The following HAL variants were observed in gnomAD, a reference collection of about 807,000 sequenced individuals.
HAL encodes histidine ammonia-lyase, also known as histidase.
In HAL, 85 loss-of-function variants were observed where a neutral mutation model predicts 81.1. The observed-to-expected ratio is 1.05, with a 90% CI of 0.88 to 1.25. The LOEUF (loss-of-function observed/expected upper bound fraction) is 1.25, where lower values mean the gene tolerates loss of function less well. HAL is among the 50% of genes most tolerant of loss of function. HAL has a pLI of 0.00. For synonymous variants in HAL, 301 were observed against 309.2 expected, an observed-to-expected ratio of 0.97 and a Z score of 0.28; for missense variants, 798 against 836.6, an observed-to-expected ratio of 0.95 and a Z score of 0.57.
intron 14 of HAL, 53 bp from the exon 15 acceptor site, chr12:95,984,044 C>A: frequency 1.2e-6 from 1 of 848,120 alleles, no homozygotes; most frequent in South Asian, 1.3e-5. Flanking sequence ...CTGAAGAGTA[C>A]CAATATTCTT....
intron 14 of HAL, among the ~76,000 whole-genome samples, chr12:95,985,290 G>A (rs1949867691): frequency 6.6e-6 from 1 of 152,128 alleles, no homozygotes; most frequent in South Asian, 2.1e-4. Flanking sequence ...TTAGGGCACT[G>A]AATCAACATA....
Position 95,991,381 on chromosome 12 carries a change from G to A in HAL, c.716-849C>T, listed in dbSNP as rs1949968289. 2.0e-5 allele frequency among the ~76,000 whole-genome samples: 3 copies of A among 152,068 alleles called. No individual in the cohort carries two copies. The South Asian group carries it at 6.2e-4, about 32-fold the overall frequency. ...CATTCACAGCTATTGGAAAATGTTTGGAAACATTGGAAAAGTAATATAAAA... is the reference window on the plus strand; with the variant it reads ...CATTCACAGCTATTGGAAAATGTTTAGAAACATTGGAAAAGTAATATAAAA... On this transcript the variant is annotated intron_variant, in intron 9 of 20. Transcript: ENST00000261208.
chr12:95,995,637 T>C, intron 2 of HAL, 27 bp downstream of exon 2: 1 of 1,611,826 alleles, frequency 6.2e-7, no homozygotes. Context: ...CCGCACCCGT[T>C]CGCGGCCCTC....
intron 3 of HAL, 46 bp downstream of exon 3, chr12:95,994,887 A>T: frequency 6.2e-7 from 1 of 1,607,528 alleles, no homozygotes; most frequent in Non-Finnish European, 8.5e-7. Flanking sequence ...CACCATCTGC[A>T]GGAGCCACCC....
intron 10 of HAL, 65 bp downstream of exon 10, chr12:95,990,328 A>C: frequency 7.6e-7 from 1 of 1,316,474 alleles, no homozygotes; most frequent in Non-Finnish European, 1.1e-6. Flanking sequence ...GATACGAAGC[A>C]TGCAAGCACA....
Position 95,990,531 on chromosome 12 carries a change from G to T in HAL, c.717C>A (p.Ala239=). 6.2e-7 allele frequency: 1 copy of T among 1,613,374 alleles called. No individual in the cohort carries two copies. The change falls in exon 10 of 21, where the codon GCC becomes GCA. Residue 239 remains alanine (A), a splice_region_variant and synonymous_variant. Coordinates refer to ENST00000261208, the MANE Select transcript of HAL (RefSeq NM_002108.4). ...TLKQVIEMFN[A]SCLPYVPEKG... ...TCTCTGGGACATAGGGCAGGCAGGA[G>T]GCTGGGAGAGAAGTAGGCAGCAATT... is the stretch of plus-strand genomic sequence containing the variant.
chr12:95,974,487 G>A, intron 20 of HAL, 115 bp from the exon 21 acceptor site: 3 of 911,516 alleles, frequency 3.3e-6, no homozygotes, highest in Non-Finnish European at 5.4e-6. Flanking sequence ...AGACACAGCT[G>A]CTGTTTGCTT....
At chr12:95,988,908 C>T (rs929956689) in intron 10 of HAL, among the ~76,000 whole-genome samples, 2 of 152,172 alleles carry the variant, frequency 1.3e-5, no homozygotes, top group African/African-American at 2.4e-5. Context: ...AAGGACAGAG[C>T]TGGTCCCATT....
At chr12:95,989,041 A>C (rs1949934270) in intron 10 of HAL, among the ~76,000 whole-genome samples, 1 of 152,194 alleles carries the variant, frequency 6.6e-6, no homozygotes, top group Non-Finnish European at 1.5e-5. Context: ...GAGTAATAGT[A>C]CATTCAGTGC....
rs371618240 is a variant in HAL at position 95,976,575 on chromosome 12, T to C, written c.1763+23A>G. Reference sequence around the variant, plus strand: ...TTCACAGTGCTGAACTGATGTAATTTTCAGAGACCTGTTTGATCTTACCTT... The same window carrying C: ...TTCACAGTGCTGAACTGATGTAATTCTCAGAGACCTGTTTGATCTTACCTT... On this transcript the variant is annotated intron_variant, in intron 19 of 20. Coordinates refer to ENST00000261208, the MANE Select transcript of HAL (RefSeq NM_002108.4). 3.5e-5 allele frequency: 56 copies of C among 1,593,564 alleles called. No homozygotes were observed. In the African/African-American group the frequency reaches 6.7e-4, roughly 19 times the overall value.
chr12:95,986,947 C>G (rs1375524223), intron 12 of HAL, 120 bp downstream of exon 12: 2 of 847,734 alleles, frequency 2.4e-6, no homozygotes, highest in Admixed American at 3.5e-5. Context: ...GCCACAGGCA[C>G]TTGGGTTTTC....
At position 95,983,693 on chromosome 12, in the gene HAL, G is replaced by T. The variant is rs1592842223; in HGVS notation, c.1287+218C>A. 6.7e-6 allele frequency: 4 copies of T among 593,622 alleles called. No individual in the cohort carries two copies. The East Asian group carries it at 1.1e-4, about 17-fold the overall frequency. The allele number at this position is 593,622 out of a possible 1,614,324, so 36.8% of individuals were successfully genotyped here. Reference sequence around the variant, plus strand: ...TCCATTTTGAAAGTACAGCATGTTAGACTTGGAACCTGAGAGTAAGTTCAC... The same window carrying T: ...TCCATTTTGAAAGTACAGCATGTTATACTTGGAACCTGAGAGTAAGTTCAC... On this transcript the variant is annotated intron_variant, in intron 15 of 20. Coordinates refer to ENST00000261208, the MANE Select transcript of HAL (RefSeq NM_002108.4).
chr12:95,987,714 T>C (rs11108365), intron 11 of HAL, among the ~76,000 whole-genome samples: 14,145 of 152,166 alleles, frequency 0.093, 940 homozygotes, highest in African/African-American at 0.19. Flanking sequence ...TGAAGAATCT[T>C]TTTTTCTTTT....
At position 95,985,857 on chromosome 12, in the gene HAL, A is replaced by G. The variant is rs760080986; in HGVS notation, c.1206+51T>C. On this transcript the variant is annotated intron_variant, in intron 14 of 20. Coordinates refer to ENST00000261208, the MANE Select transcript of HAL (RefSeq NM_002108.4). ...TTTTTCATCCTGAACCTGGGGAAAGAAAAACTTTATTGGCATTTTTTATTG... is the reference window on the plus strand; with the variant it reads ...TTTTTCATCCTGAACCTGGGGAAAGGAAAACTTTATTGGCATTTTTTATTG... 31 of 1,299,444 alleles carry G rather than the reference A, an allele frequency of 2.4e-5. No individual in the cohort carries two copies. The East Asian group carries it at 6.5e-4, about 27-fold the overall frequency. The allele number at this position is 1,299,444 out of a possible 1,614,324, so 80.5% of individuals were successfully genotyped here.
intron 7 of HAL, 44 bp from the exon 8 acceptor site, chr12:95,993,532 GA>G: frequency 2.3e-6 from 3 of 1,299,724 alleles, no homozygotes; most frequent in Non-Finnish European, 2.2e-6. Flanking sequence ...ATTGCAGTGA[GA>G]AAATGTTCCC....
chr12:95,993,884 T>G, intron 6 of HAL, 42 bp downstream of exon 6: 1 of 1,484,070 alleles, frequency 6.7e-7, no homozygotes, highest in Non-Finnish European at 9.4e-7. Context: ...GGGATTTTTG[T>G]TTGTTTATAA....
rs188160661 is a variant in HAL at position 95,983,137 on chromosome 12, C to T, written c.1287+774G>A. On this transcript the variant is annotated intron_variant, in intron 15 of 20. Transcript: ENST00000261208. Reference sequence around the variant, plus strand: ...GTGTAGTCGCTCACACCTGTAATCCCGGCACTTTGGGAGGCCGAGGCAGGT... The same window carrying T: ...GTGTAGTCGCTCACACCTGTAATCCTGGCACTTTGGGAGGCCGAGGCAGGT... Among the ~76,000 whole-genome samples, 10 of 152,312 alleles carry T rather than the reference C, an allele frequency of 6.6e-5. No individual in the cohort carries two copies. In the East Asian group the frequency reaches 1.5e-3, roughly 23 times the overall value.
In HAL at chr12:95,990,711, A is replaced by C. The variant is rs551328893; in HGVS notation, c.716-179T>G. Among the ~76,000 whole-genome samples, 66 of 152,316 alleles carry C rather than the reference A, an allele frequency of 4.3e-4. 1 individual carries two copies. Among genetic ancestry groups the C allele is most frequent in the Non-Finnish European group, 8.8e-4 (60 of 68,026 alleles). ...CCCAGCTAATATGTAAGGGACCTGG[A>C]TGAATTGTTATAGAAAGAAAAAGAG... On this transcript the variant is annotated intron_variant, in intron 9 of 20. Coordinates refer to ENST00000261208, the MANE Select transcript of HAL (RefSeq NM_002108.4).
rs1565990892 is a variant in HAL, at chr12:95,987,228, G to C, written c.904-14C>G. 2.5e-6 allele frequency: 4 copies of C among 1,611,330 alleles called. No individual in the cohort carries two copies. The highest frequency in any genetic ancestry group is 3.3e-5 in the Admixed American group (2 of 60,002). On this transcript the variant is annotated splice_polypyrimidine_tract_variant and intron_variant, in intron 11 of 20. Coordinates refer to ENST00000261208, the MANE Select transcript of HAL (RefSeq NM_002108.4). ...GAGTGCCAGGCCCTGTCGGGGGAGAGAGCAAAGTTTCCTACTGTGATTATT... is the reference window on the plus strand; with the variant it reads ...GAGTGCCAGGCCCTGTCGGGGGAGACAGCAAAGTTTCCTACTGTGATTATT...
Sources: allele counts gnomAD v4.1 joint callset (sites outside exome capture counted in the v4.1 genomes callset), GRCh38; gene constraint gnomAD v4.1.1; transcripts MANE v1.5; gene names NCBI Gene and HGNC (gene_info 2026-07-23, HGNC 2026-07-21).